TJP1: variants seen among roughly 807,000 people sequenced by gnomAD.
TJP1 encodes the protein tight junction protein 1, also known as tight junction protein ZO-1.
In TJP1, 43 loss-of-function variants were observed where a neutral mutation model predicts 194.2. That is an observed-to-expected ratio of 0.22 (90% confidence interval 0.17 to 0.29). TJP1 has a LOEUF of 0.29. Ranked by LOEUF, TJP1 falls within the 10% of genes least tolerant of loss-of-function variation. The pLI is 1.00. For synonymous variants in TJP1, 801 were observed against 779.0 expected, an observed-to-expected ratio of 1.03 and a Z score of -0.47; for missense variants, 1,971 against 2,185.7, an observed-to-expected ratio of 0.90 and a Z score of 1.96.
chr15:29,809,123 T>C (rs2049314780), intron 1 of TJP1, among the ~76,000 whole-genome samples: 1 of 152,196 alleles, frequency 6.6e-6, no homozygotes, highest in Non-Finnish European at 1.5e-5. Flanking sequence ...ATATGTAAAA[T>C]ATACATGCAA....
At chr15:29,818,922 A>G (rs1298763164) in intron 1 of TJP1, among the ~76,000 whole-genome samples, 1 of 150,100 alleles carries the variant, frequency 6.7e-6, no homozygotes, top group African/African-American at 2.5e-5. Context: ...GGTTCAAGCA[A>G]TTCTCCTTCC....
chr15:29,774,805 CAG>C (rs1403517744), intron 2 of TJP1, among the ~76,000 whole-genome samples: 1 of 151,784 alleles, frequency 6.6e-6, no homozygotes, highest in Non-Finnish European at 1.5e-5. Flanking sequence ...AATAATAAAA[CAG>C]GGAAATTTCT....
chr15:29,749,259 AC>A (rs531913198), intron 8 of TJP1, among the ~76,000 whole-genome samples: 2 of 151,994 alleles, frequency 1.3e-5, no homozygotes, highest in Non-Finnish European at 2.9e-5. Flanking sequence ...ACAAAGATGG[AC>A]TGGAAAGGAG....
At chr15:29,892,210 A>G (rs1256642265) in intron 2 of TJP1, among the ~76,000 whole-genome samples, 1 of 122,164 alleles carries the variant, frequency 8.2e-6, no homozygotes, top group Non-Finnish European at 1.8e-5. Context: ...AGCCTGACCC[A>G]AAACAAGGCC....
chr15:29,968,339 A>G (rs1275178634), intron 1 of TJP1: 1 of 985,262 alleles, frequency 1.0e-6, no homozygotes, highest in Non-Finnish European at 1.2e-6. Flanking sequence ...GCCGTAATGG[A>G]GCAGAAAGGA....
At chr15:29,748,234 T>A (rs1440086874) in intron 8 of TJP1, among the ~76,000 whole-genome samples, 1 of 152,198 alleles carries the variant, frequency 6.6e-6, no homozygotes, top group African/African-American at 2.4e-5. Flanking sequence ...AATGAGGTAT[T>A]TTACATTTTT....
At chr15:29,925,613 T>C (rs1366440622) in intron 2 of TJP1, among the ~76,000 whole-genome samples, 1 of 152,154 alleles carries the variant, frequency 6.6e-6, no homozygotes, top group Admixed American at 6.5e-5. Flanking sequence ...ACACGCACCC[T>C]TTTTTCTAGT....
chr15:29,909,927 T>G (rs569179416), intron 2 of TJP1, among the ~76,000 whole-genome samples: 3 of 152,214 alleles, frequency 2.0e-5, no homozygotes, highest in African/African-American at 7.2e-5. Context: ...CTTTTAATTT[T>G]AATTATTCTT....
At chr15:29,750,001 T>C (rs949336834) in intron 8 of TJP1, among the ~76,000 whole-genome samples, 2 of 149,866 alleles carry the variant, frequency 1.3e-5, no homozygotes, top group Non-Finnish European at 3.0e-5. Context: ...TGCCACTGTG[T>C]CCGGCTAATT....
chr15:29,930,951 T>G (rs942064552), intron 2 of TJP1, among the ~76,000 whole-genome samples: 1 of 152,162 alleles, frequency 6.6e-6, no homozygotes, highest in African/African-American at 2.4e-5. Flanking sequence ...ACTTGAACAA[T>G]GTGAGCGTTA....
At position 29,701,655 on chromosome 15, in the gene TJP1, G is replaced by T; in HGVS notation, c.5247C>A (p.Pro1749=). 6.2e-7 allele frequency: 1 copy of T among 1,614,048 alleles called. No individual in the cohort carries two copies. Among genetic ancestry groups the T allele is most frequent in the Non-Finnish European group, 8.5e-7 (1 of 1,179,984 alleles). Residue 1749 remains proline, a synonymous_variant, in exon 28 of 28, where the codon CCC becomes CCA. Transcript: ENST00000614355. ...DPKTWQNKCL[P]GDPNYLVGAN... ...CTCCAACGAGATAATTTGGATCTCC[G>T]GGAAGACACTTGTTTTGCCAGGTTT...
chr15:29,908,593 TGAAGGTGGGGCACCAGTCCCAAGA>T (rs1380012785), intron 2 of TJP1, among the ~76,000 whole-genome samples: 3 of 152,362 alleles, frequency 2.0e-5, no homozygotes, highest in African/African-American at 7.2e-5. Context: ...CCATCTGTTT[TGAAGGTGGGGCACCAGTCCCAAGA>T]GGGTGAATTT....
At chr15:29,890,326 G>C in intron 2 of TJP1, among the ~76,000 whole-genome samples, 1 of 152,210 alleles carries the variant, frequency 6.6e-6, no homozygotes, top group Non-Finnish European at 1.5e-5. Flanking sequence ...AACAGAAGCA[G>C]AGCCACTTCA....
At chr15:29,894,129 A>G (rs541078888) in intron 2 of TJP1, among the ~76,000 whole-genome samples, 1 of 152,286 alleles carries the variant, frequency 6.6e-6, no homozygotes, top group South Asian at 2.1e-4. Context: ...ATACATATTG[A>G]AGGATGTGCA....
chr15:29,846,476 G>C lies in TJP1; in HGVS notation c.307-45774C>G, dbSNP rs530331202. On this transcript the variant is annotated intron_variant, in intron 2 of 28. Coordinates refer to the TJP1 transcript ENST00000356107. ...TATCAGGGAGTTACACACAAGAGAA[G>C]GGAGACCTGGATAAAAGGGGGAAAT... 1.2e-4 allele frequency among the ~76,000 whole-genome samples: 18 copies of C among 151,324 alleles called. No homozygotes were observed. The South Asian group carries it at 2.7e-3, about 23-fold the overall frequency.
intron 2 of TJP1, among the ~76,000 whole-genome samples, chr15:29,865,532 AGT>A (rs567986829): frequency 9.6e-4 from 147 of 152,332 alleles, no homozygotes; most frequent in African/African-American, 3.3e-3. Context: ...GTTCCGAAGA[AGT>A]GCATTTTTGA....
chr15:29,763,757 G>A (rs1266480965), intron 5 of TJP1, among the ~76,000 whole-genome samples: 1 of 110,772 alleles, frequency 9.0e-6, no homozygotes. Context: ...GAGAGAGTGA[G>A]ACTCCGTCTC....
At chr15:29,949,546 CTCCACAACCACCACCTCCACT>C (rs1567225334) in intron 2 of TJP1, among the ~76,000 whole-genome samples, 26 of 141,132 alleles carry the variant, frequency 1.8e-4, no homozygotes, top group African/African-American at 5.9e-4. Flanking sequence ...CCACCACCAC[CTCCACAACCACCACCTCCACT>C]TCCACAACCA....
chr15:29,704,154 C>A lies in TJP1; in HGVS notation c.5212+8G>T. 1 of 1,553,236 alleles carries A rather than the reference C, an allele frequency of 6.4e-7. No homozygotes were observed. Among genetic ancestry groups the A allele is most frequent in the Non-Finnish European group, 8.7e-7 (1 of 1,147,502 alleles). On this transcript the variant is annotated splice_region_variant and intron_variant, in intron 27 of 27. Transcript: ENST00000614355. ...AAGCTCCCAAAGGACAGAGTGAAGA[C>A]AGCATACCCGACGAGGAGTCGGATG...
Sources: gnomAD v4.1 joint callset for allele counts (sites outside exome capture counted in the v4.1 genomes callset) on GRCh38, gnomAD v4.1.1 for gene constraint, MANE v1.5 for transcripts, NCBI Gene and HGNC (gene_info 2026-07-23, HGNC 2026-07-21) for gene names.